The following ALG1 variants were observed in gnomAD, a reference collection of about 807,000 sequenced individuals.
The protein encoded by ALG1 is ALG1 chitobiosyldiphosphodolichol beta-mannosyltransferase.
In ALG1, 58 loss-of-function variants were observed where a neutral mutation model predicts 55.1. The ratio of observed to expected loss-of-function variants is 1.05; its 90% CI spans 0.85 to 1.31. ALG1 has a LOEUF of 1.31. ALG1 is among the 50% of genes most tolerant of loss of function. ALG1 has a pLI of 0.00. For synonymous variants in ALG1, 309 were observed against 247.0 expected (o/e 1.25, Z -2.35); for missense variants, 761 against 598.6 (o/e 1.27, Z -2.83).
chr16:5,075,984 C>T (rs1956905960), intron 4 of ALG1, among the ~76,000 whole-genome samples: 1 of 152,196 alleles, frequency 6.6e-6, no homozygotes, highest in Non-Finnish European at 1.5e-5. Flanking sequence ...TCAGGAGCAT[C>T]CATATCTCAT....
chr16:5,078,574 C>T, intron 6 of ALG1, 183 bp from the exon 7 acceptor site: 1 of 1,001,790 alleles, frequency 1.0e-6, no homozygotes, highest in Non-Finnish European at 1.5e-6. Flanking sequence ...AACCTTAGCA[C>T]CCAGCAACAA....
At position 5,078,639 on chromosome 16, in the gene ALG1, A is replaced by G. The variant is rs368600275; in HGVS notation, c.741-118A>G. On this transcript the variant is annotated intron_variant, in intron 6 of 12. Transcript: ENST00000262374. The stretch of plus-strand genomic sequence containing the variant: ...TGGCAGGGGTGGCCTGGTGCTGCTG[A>G]TGTGGCTGGGCACCCCAACCTCTGG... 1.0e-5 allele frequency: 16 copies of G among 1,580,266 alleles called. No homozygotes were observed. The East Asian group carries it at 1.1e-4, about 11-fold the overall frequency.
intron 3 of ALG1, among the ~76,000 whole-genome samples, chr16:5,074,584 A>G (rs1001819241): frequency 3.3e-5 from 5 of 152,230 alleles, no homozygotes; most frequent in Non-Finnish European, 5.9e-5. Context: ...GGCTCCAAGC[A>G]CAGCGAGCAT....
chr16:5,079,636 C>G, intron 8 of ALG1, 112 bp from the exon 9 acceptor site: 1 of 1,263,036 alleles, frequency 7.9e-7, no homozygotes, highest in Non-Finnish European at 1.1e-6. Flanking sequence ...TTGCAGTGAG[C>G]TGAGATCGCG....
intron 10 of ALG1, among the ~76,000 whole-genome samples, 192 bp from the exon 11 acceptor site, chr16:5,082,367 G>A (rs575116245): frequency 2.2e-4 from 34 of 152,338 alleles, no homozygotes; most frequent in Non-Finnish European, 3.7e-4. Context: ...TATAAAAAGT[G>A]TCAACTTACA....
chr16:5,085,007 G>C lies in ALG1; in HGVS notation c.*126G>C. The stretch of plus-strand genomic sequence containing the variant: ...GCCAGAAGCTGAAATGACAGCAGTG[G>C]TACTGCCTGGTAAAAGAATTGGTTC... On this transcript the variant is annotated 3_prime_UTR_variant, in exon 13 of 13. Transcript: ENST00000262374. The C allele has an allele frequency of 6.6e-7, 1 of 1,517,716 alleles. No homozygotes were observed. The highest frequency in any genetic ancestry group is 9.0e-7 in the Non-Finnish European group (1 of 1,113,650). The allele number at this position is 1,517,716 out of a possible 1,614,324, so 94.0% of individuals were successfully genotyped here.
In ALG1 at chr16:5,081,697, G is replaced by T. The variant is rs554976502; in HGVS notation, c.1072+641G>T. 2.0e-5 allele frequency among the ~76,000 whole-genome samples: 3 copies of T among 150,980 alleles called. No homozygotes were observed. In the East Asian group the frequency reaches 6.0e-4, roughly 30 times the overall value. On this transcript the variant is annotated intron_variant, in intron 10 of 12. Coordinates refer to ENST00000262374, the MANE Select transcript of ALG1 (RefSeq NM_019109.5). ...CCTCAGCCTCCCGAGTAGATTACGG[G>T]ATTACAGGAGCCCACCACAACACCT...
At chr16:5,084,582 T>C (rs1047836) in intron 12 of ALG1, 168 bp from the exon 13 acceptor site, 4 of 1,062,094 alleles carry the variant, frequency 3.8e-6, no homozygotes, top group Non-Finnish European at 5.5e-6. Flanking sequence ...TGATGTCAAG[T>C]TGGAGGCGGA....
chr16:5,079,768 G>C lies in ALG1; in HGVS notation c.922G>C (p.Asp308His). 6.2e-7 allele frequency: 1 copy of C among 1,611,776 alleles called. No individual in the cohort carries two copies. Among genetic ancestry groups the C allele is most frequent in the Non-Finnish European group, 8.5e-7 (1 of 1,179,756 alleles). ...CACAGAGTTTGAACAACTGACTCTT[G>C]ATGGACACAACCTTCCTTCTCTCGT... The part of the protein sequence containing the change: ...ALEKFEQLTL[D>H]GHNLPSLVCV... The change falls in exon 9 of 13, where the codon GAT becomes CAT. Residue 308 changes from aspartate (D) to histidine (H), a missense_variant. Asp to His is a moderately conservative substitution (Grantham distance 81, BLOSUM62 -1). Coordinates refer to ENST00000262374, the MANE Select transcript of ALG1 (RefSeq NM_019109.5).
intron 10 of ALG1, 39 bp downstream of exon 10, chr16:5,081,095 GAACA>G: frequency 6.4e-6 from 3 of 467,436 alleles, no homozygotes; most frequent in Non-Finnish European, 1.2e-5. Context: ...GAGGCGGGGG[GAACA>G]GGGTGGGCGG....
rs1957084018 is a variant in ALG1, at chr16:5,084,626, G to C, written c.1264-124G>C. 3.4e-6 allele frequency: 5 copies of C among 1,465,682 alleles called. No homozygotes were observed. The African/African-American group carries it at 5.5e-5, about 16-fold the overall frequency. The allele number at this position is 1,465,682 out of a possible 1,614,324, so 90.8% of individuals were successfully genotyped here. A position where few individuals can be genotyped will look rare whatever the true frequency, so the allele number is the denominator to read the frequency against. On this transcript the variant is annotated intron_variant, in intron 12 of 12. Transcript: ENST00000262374. ...GGGGTGTGAAGGGTCTCGAGTCCAAGTGAGGGAGTTAGGGACTTGGGAGGG... is the reference window on the plus strand; with the variant it reads ...GGGGTGTGAAGGGTCTCGAGTCCAACTGAGGGAGTTAGGGACTTGGGAGGG...
At position 5,085,014 on chromosome 16, in the gene ALG1, C is replaced by T. The variant is rs1957105350; in HGVS notation, c.*133C>T. ...GCTGAAATGACAGCAGTGGTACTGC[C>T]TGGTAAAAGAATTGGTTCTGTGACC... On this transcript the variant is annotated 3_prime_UTR_variant, in exon 13 of 13. Coordinates refer to ENST00000262374, the MANE Select transcript of ALG1 (RefSeq NM_019109.5). The T allele has an allele frequency of 1.5e-5, 22 of 1,504,570 alleles. No individual in the cohort carries two copies. The highest frequency in any genetic ancestry group is 2.0e-5 in the Non-Finnish European group (22 of 1,103,266). 93.2% of individuals were successfully genotyped at this position (1,504,570 alleles called of 1,614,324 possible). A position where few individuals can be genotyped will look rare whatever the true frequency, so the allele number is the denominator to read the frequency against.
chr16:5,075,191 A>C (rs1007997494), intron 3 of ALG1, among the ~76,000 whole-genome samples, 197 bp from the exon 4 acceptor site: 28 of 152,212 alleles, frequency 1.8e-4, no homozygotes, highest in African/African-American at 6.8e-4. Context: ...GGCATCAGCC[A>C]CCGCACCTGG....
At chr16:5,081,630 G>T (rs1039240316) in intron 10 of ALG1, among the ~76,000 whole-genome samples, 2 of 152,166 alleles carry the variant, frequency 1.3e-5, no homozygotes, top group African/African-American at 4.8e-5. Flanking sequence ...CATGATCTCA[G>T]TTCATGCAAC....
intron 4 of ALG1, among the ~76,000 whole-genome samples, chr16:5,077,083 C>A (rs923241950): frequency 6.6e-6 from 1 of 152,130 alleles, no homozygotes; most frequent in African/African-American, 2.4e-5. Flanking sequence ...CCGCGCCTGG[C>A]CTGTATTTCT....
At position 5,085,828 on chromosome 16, in the gene ALG1, G is replaced by C. The variant is rs1957143520; in HGVS notation, c.*947G>C. 1.0e-6 allele frequency: 1 copy of C among 974,144 alleles called. No homozygotes were observed. Among genetic ancestry groups the C allele is most frequent in the Non-Finnish European group, 1.7e-6 (1 of 600,932 alleles). 60.3% of individuals were successfully genotyped at this position (974,144 alleles called of 1,614,324 possible). On this transcript the variant is annotated 3_prime_UTR_variant, in exon 13 of 13. Transcript: ENST00000262374. ...TGCTAGGACAGGCCTGGCGGGGTAG[G>C]GGGGTGTCCAAGTCAGTTTACTTGG... is the stretch of plus-strand genomic sequence containing the variant.
chr16:5,083,942 C>T (rs930039723), intron 12 of ALG1, among the ~76,000 whole-genome samples, 185 bp downstream of exon 12: 6 of 152,134 alleles, frequency 3.9e-5, no homozygotes, highest in South Asian at 2.1e-4. Context: ...ACAGTAGGCT[C>T]GGGAAAGTTA....
At position 5,086,887 on chromosome 16, in the gene ALG1, G is replaced by C. The variant is rs1162873725; in HGVS notation, c.*2006G>C. On this transcript the variant is annotated 3_prime_UTR_variant, in exon 13 of 13. Transcript: ENST00000262374. ...TCACCATGTGGGCCAGGCTGGTCTT[G>C]AACTCGACCTCCCGTGATCTGCTCA... 9 of 152,160 alleles carry C rather than the reference G, an allele frequency of 5.9e-5. No homozygotes were observed. The highest frequency in any genetic ancestry group is 1.3e-4 in the Non-Finnish European group (9 of 68,046). The allele number at this position is 152,160 out of a possible 1,614,324, so 9.4% of individuals were successfully genotyped here.
At chr16:5,082,702 G>T in intron 11 of ALG1, 29 bp downstream of exon 11, 2 of 1,609,184 alleles carry the variant, frequency 1.2e-6, no homozygotes. Context: ...TCCTTCTGGG[G>T]ATAGCTTTGC....
Sources: gnomAD v4.1 joint callset for allele counts (sites outside exome capture counted in the v4.1 genomes callset) on GRCh38, gnomAD v4.1.1 for gene constraint, MANE v1.5 for transcripts, NCBI Gene and HGNC (gene_info 2026-07-23, HGNC 2026-07-21) for gene names.